Variants in IFTAP observed in about 807,000 individuals in gnomAD.
IFTAP encodes the protein intraflagellar transport associated protein.
IFTAP carries 19 observed loss-of-function variants against 19.4 expected under a neutral mutation model. The ratio of observed to expected loss-of-function variants is 0.98; its 90% confidence interval spans 0.68 to 1.44. IFTAP has a LOEUF of 1.44. Ranked by LOEUF, IFTAP falls within the 40% of genes most tolerant of loss-of-function variation. The pLI, the probability that IFTAP is intolerant of heterozygous loss-of-function variation, is 0.00. For synonymous variants in IFTAP, 85 were observed against 83.5 expected (o/e 1.02, Z -0.10); for missense variants, 240 against 253.6 (o/e 0.95, Z 0.36).
intron 2 of IFTAP, among the ~76,000 whole-genome samples, chr11:36,617,589 A>G (rs1296109670): frequency 2.6e-5 from 4 of 151,996 alleles, no homozygotes; most frequent in Non-Finnish European, 5.9e-5. Flanking sequence ...GTTAAAAAGC[A>G]GGACTGTCTG....
At chr11:36,627,985 CAA>C (rs1852580800) in intron 2 of IFTAP, among the ~76,000 whole-genome samples, 1 of 149,640 alleles carries the variant, frequency 6.7e-6, no homozygotes, top group African/African-American at 2.5e-5. Context: ...GTTTTAAAAA[CAA>C]AAGAGAACTC....
At chr11:36,641,641 G>GT (rs1853204349) in intron 4 of IFTAP, among the ~76,000 whole-genome samples, 1 of 152,154 alleles carries the variant, frequency 6.6e-6, no homozygotes, top group Admixed American at 6.6e-5. Context: ...CAGAGAGATA[G>GT]TTTTTTATAA....
At chr11:36,600,029 GT>G (rs1212594521) in intron 1 of IFTAP, among the ~76,000 whole-genome samples, 1 of 152,204 alleles carries the variant, frequency 6.6e-6, no homozygotes, top group East Asian at 1.9e-4. Context: ...GAATGGGTTA[GT>G]TGTCTCTTGA....
chr11:36,608,991 A>G (rs1287218297), intron 1 of IFTAP, among the ~76,000 whole-genome samples: 2 of 152,216 alleles, frequency 1.3e-5, no homozygotes, highest in African/African-American at 2.4e-5. Context: ...TGCCAGCTCT[A>G]TGCCACATCC....
At chr11:36,626,770 GC>G (rs1030616788) in intron 2 of IFTAP, among the ~76,000 whole-genome samples, 11 of 151,350 alleles carry the variant, frequency 7.3e-5, no homozygotes, top group Admixed American at 7.2e-4. Flanking sequence ...GAGAATTATA[GC>G]CTCAATGAGC....
At chr11:36,658,917 G>GA (rs199863230) in intron 5 of IFTAP, 102 bp from the exon 6 acceptor site, 15,145 of 867,774 alleles carry the variant, frequency 0.017, 188 homozygotes, top group East Asian at 0.038. Flanking sequence ...GCTGAAGTCT[G>GA]AAAAAAGGTT....
intron 3 of IFTAP, among the ~76,000 whole-genome samples, chr11:36,634,318 A>T (rs1448262273): frequency 6.6e-6 from 1 of 152,128 alleles, no homozygotes; most frequent in Admixed American, 6.6e-5. Flanking sequence ...TCAGAGGTTC[A>T]TTGGGATGGG....
intron 2 of IFTAP, among the ~76,000 whole-genome samples, chr11:36,627,099 A>G (rs532251185): frequency 6.6e-6 from 1 of 151,472 alleles, no homozygotes; most frequent in South Asian, 2.1e-4. Context: ...ACCACATATC[A>G]TATGATTCCA....
At chr11:36,652,958 G>A (rs947680064) in intron 5 of IFTAP, among the ~76,000 whole-genome samples, 1 of 152,104 alleles carries the variant, frequency 6.6e-6, no homozygotes, top group Non-Finnish European at 1.5e-5. Context: ...AGAACAAAGA[G>A]AGTTGTTATT....
chr11:36,642,298 C>G (rs1196019213), intron 4 of IFTAP, among the ~76,000 whole-genome samples: 2 of 152,094 alleles, frequency 1.3e-5, no homozygotes, highest in Non-Finnish European at 2.9e-5. Flanking sequence ...CCTTCCAAGA[C>G]TAAACCAGGA....
chr11:36,599,811 T>C (rs1441604948), intron 1 of IFTAP, among the ~76,000 whole-genome samples: 1 of 152,212 alleles, frequency 6.6e-6, no homozygotes, highest in Non-Finnish European at 1.5e-5. Context: ...TTATGTGTTA[T>C]ATAAAGTGTT....
At chr11:36,633,530 A>G in intron 3 of IFTAP, 92 bp downstream of exon 3, 1 of 1,009,024 alleles carries the variant, frequency 9.9e-7, no homozygotes, top group Non-Finnish European at 1.3e-6. Context: ...AACACTAGAC[A>G]GTTATTAGAT....
At chr11:36,636,756 G>A (rs1203661316) in intron 4 of IFTAP, among the ~76,000 whole-genome samples, 1 of 147,764 alleles carries the variant, frequency 6.8e-6, no homozygotes, top group African/African-American at 2.6e-5. Flanking sequence ...TATTGTAAAT[G>A]TTTCTTCTGA....
intron 1 of IFTAP, among the ~76,000 whole-genome samples, chr11:36,603,953 A>G (rs1395212689): frequency 3.3e-5 from 5 of 151,914 alleles, no homozygotes; most frequent in Admixed American, 3.3e-4. Context: ...TATGTAAATT[A>G]TAAGTCTCTT....
At chr11:36,611,797 T>A (rs1165450296) in intron 2 of IFTAP, among the ~76,000 whole-genome samples, 1 of 152,074 alleles carries the variant, frequency 6.6e-6, no homozygotes, top group Non-Finnish European at 1.5e-5. Context: ...GTAGATCAAA[T>A]TAATCTTGAT....
At chr11:36,627,892 A>T (rs1434883022) in intron 2 of IFTAP, among the ~76,000 whole-genome samples, 1 of 151,374 alleles carries the variant, frequency 6.6e-6, no homozygotes, top group Non-Finnish European at 1.5e-5. Flanking sequence ...AGTATAGTAC[A>T]GATTGCAGTG....
intron 2 of IFTAP, among the ~76,000 whole-genome samples, chr11:36,623,943 C>T (rs1198059313): frequency 6.6e-6 from 1 of 151,836 alleles, no homozygotes; most frequent in Admixed American, 6.6e-5. Context: ...AGAATCTTGA[C>T]CTACAATAGA....
At chr11:36,621,425 G>A (rs768178659) in intron 2 of IFTAP, among the ~76,000 whole-genome samples, 41 of 151,674 alleles carry the variant, frequency 2.7e-4, no homozygotes, top group Non-Finnish European at 5.7e-4. Context: ...ATTTGGATTC[G>A]TTCCAGAGGA....
chr11:36,601,158 G>A (rs1851496037), intron 1 of IFTAP, among the ~76,000 whole-genome samples: 1 of 152,170 alleles, frequency 6.6e-6, no homozygotes, highest in Non-Finnish European at 1.5e-5. Context: ...TTTGCAATAA[G>A]GTCAGTGGCA....
Sources: gnomAD v4.1 joint callset for allele counts (sites outside exome capture counted in the v4.1 genomes callset) on GRCh38, gnomAD v4.1.1 for gene constraint, MANE v1.5 for transcripts, NCBI Gene and HGNC (gene_info 2026-07-23, HGNC 2026-07-21) for gene names.